The following ENOSF1 variants were observed in gnomAD, a reference collection of about 807,000 sequenced individuals.
The protein encoded by ENOSF1 is mitochondrial enolase superfamily member 1.
ENOSF1 carries 73 observed loss-of-function variants against 68.2 expected under a neutral mutation model. That is an observed-to-expected ratio of 1.07 (90% CI 0.89 to 1.30). ENOSF1 has a LOEUF of 1.30. Ranked by LOEUF, ENOSF1 falls within the 50% of genes most tolerant of loss-of-function variation. The probability of loss-of-function intolerance (pLI) is 0.00; values close to 1 mark genes in which losing one functional copy is unlikely to be tolerated. For missense variants in ENOSF1, 589 were observed against 554.5 expected (o/e 1.06, Z -0.62); for synonymous variants, 223 against 210.4 (o/e 1.06, Z -0.52).
intron 15 of ENOSF1, among the ~76,000 whole-genome samples, chr18:674,836 A>C (rs989798217): frequency 2.0e-5 from 3 of 152,210 alleles, no homozygotes; most frequent in African/African-American, 7.2e-5. Flanking sequence ...TAATATTTTT[A>C]AAATAAGTTT....
At chr18:687,689 T>G (rs1356471877) in intron 9 of ENOSF1, 1 of 152,248 alleles carries the variant, frequency 6.6e-6, no homozygotes, top group Non-Finnish European at 1.5e-5. Context: ...GAGAAGGTCT[T>G]AGGATGGCCA....
chr18:669,346 C>A, downstream of ENOSF1: 14 of 490,238 alleles, frequency 2.9e-5, no homozygotes, highest in Non-Finnish European at 4.8e-5. Context: ...ACCTTCAGAT[C>A]ATGAGGTTGG....
At chr18:688,654 G>C in intron 8 of ENOSF1, 46 bp from the exon 9 acceptor site, 2 of 1,562,750 alleles carry the variant, frequency 1.3e-6, no homozygotes, top group Non-Finnish European at 1.8e-6. Flanking sequence ...GAGCCCCTTG[G>C]TCTGACCAGG....
At chr18:685,574 T>G (rs2847155) in intron 10 of ENOSF1, among the ~76,000 whole-genome samples, 30,694 of 152,016 alleles carry the variant, frequency 0.2, 3,395 homozygotes, top group Admixed American at 0.27. Flanking sequence ...CAACATTTCT[T>G]CAGTAATGGC....
chr18:682,598 G>C (rs1416518602), intron 11 of ENOSF1, among the ~76,000 whole-genome samples: 1 of 151,882 alleles, frequency 6.6e-6, no homozygotes, highest in East Asian at 1.9e-4. Flanking sequence ...GGCCGGGCGC[G>C]GTGGCTCACT....
chr18:680,195 G>T (rs1336563860), intron 11 of ENOSF1, among the ~76,000 whole-genome samples: 1 of 152,180 alleles, frequency 6.6e-6, no homozygotes, highest in Non-Finnish European at 1.5e-5. Flanking sequence ...CATCTCACGG[G>T]ATGTGTGGCC....
At chr18:688,330 C>T in intron 9 of ENOSF1, 1 of 505,044 alleles carries the variant, frequency 2.0e-6, no homozygotes. Context: ...TAGGTTAGTG[C>T]CCGAAATAAA....
chr18:690,083 C>T (rs898560352), intron 8 of ENOSF1, among the ~76,000 whole-genome samples: 1 of 152,090 alleles, frequency 6.6e-6, no homozygotes, highest in Non-Finnish European at 1.5e-5. Context: ...CTCCTCACAC[C>T]TTGCCCTGTG....
intron 5 of ENOSF1, chr18:693,216 C>T: frequency 7.8e-7 from 1 of 1,289,146 alleles, no homozygotes; most frequent in South Asian, 1.2e-5. Flanking sequence ...CAGTCAAGTG[C>T]ATAGCTTTAG....
intron 10 of ENOSF1, among the ~76,000 whole-genome samples, chr18:685,715 C>T (rs1283836551): frequency 4.6e-5 from 7 of 152,306 alleles, no homozygotes; most frequent in African/African-American, 1.7e-4. Flanking sequence ...CCCAAACTTA[C>T]TTAACTAGTT....
intron 2 of ENOSF1, among the ~76,000 whole-genome samples, chr18:697,943 G>A (rs1025622379): frequency 7.4e-4 from 113 of 152,230 alleles, no homozygotes; most frequent in African/African-American, 2.5e-3. Context: ...ACAGGCATGT[G>A]CCGCCACACC....
the ENOSF1 span, among the ~76,000 whole-genome samples, chr18:664,872 A>T: frequency 9.7e-5 from 12 of 123,472 alleles, no homozygotes; most frequent in South Asian, 2.9e-4. Context: ...TGAAGCCCAC[A>T]TGATCATGGT....
downstream of ENOSF1, among the ~76,000 whole-genome samples, chr18:665,480 A>G (rs1324014679): frequency 2.7e-5 from 4 of 146,794 alleles, no homozygotes; most frequent in South Asian, 2.2e-4. Flanking sequence ...TGGATTCATT[A>G]ATTTTTTGAA....
Position 693,318 on chromosome 18 carries a change from ATCTTT to A in ENOSF1, c.423+559_423+563del, listed in dbSNP as rs1277945642. On this transcript the variant is annotated intron_variant, in intron 5 of 15. Coordinates refer to ENST00000647584, the MANE Select transcript of ENOSF1 (RefSeq NM_017512.7). ...CTTGGTGTCAAAGTGACTGGATAGT[ATCTTT>A]TCTTTTTTCTTTTTTTGAGACAGGG... 1.3e-4 allele frequency: 155 copies of A among 1,225,936 alleles called. 1 individual carries two copies. The highest frequency in any genetic ancestry group is 8.9e-4 in the South Asian group (63 of 70,814). The allele number at this position is 1,225,936 out of a possible 1,614,324, so 75.9% of individuals were successfully genotyped here.
At chr18:665,197 C>T in the ENOSF1 span, among the ~76,000 whole-genome samples, 1 of 151,114 alleles carries the variant, frequency 6.6e-6, no homozygotes, top group Non-Finnish European at 1.5e-5. Flanking sequence ...AATTTCAGCT[C>T]CTGTTATTGG....
chr18:670,035 A>G (rs2074961604), downstream of ENOSF1, among the ~76,000 whole-genome samples: 1 of 135,456 alleles, frequency 7.4e-6, no homozygotes. Context: ...TGCATCTGTA[A>G]TAGAGACTTA....
At chr18:701,931 A>C (rs1283235357) in intron 2 of ENOSF1, among the ~76,000 whole-genome samples, 4 of 141,208 alleles carry the variant, frequency 2.8e-5, no homozygotes, top group African/African-American at 1.1e-4. Context: ...AAAATAAATA[A>C]ATACATAGAT....
intron 11 of ENOSF1, among the ~76,000 whole-genome samples, chr18:680,986 A>AT (rs577665291): frequency 1.1e-4 from 17 of 152,156 alleles, no homozygotes; most frequent in Admixed American, 1.1e-3. Flanking sequence ...AGCTGGGACT[A>AT]TAGGTGGGCG....
intron 3 of ENOSF1, among the ~76,000 whole-genome samples, chr18:695,666 T>G (rs2077638586): frequency 6.6e-6 from 1 of 152,144 alleles, no homozygotes. Context: ...AGGCTGGTCT[T>G]GAACTCCTGG....
Sources: gnomAD v4.1 joint callset for allele counts (sites outside exome capture counted in the v4.1 genomes callset) on GRCh38, gnomAD v4.1.1 for gene constraint, MANE v1.5 for transcripts, NCBI Gene and HGNC (gene_info 2026-07-23, HGNC 2026-07-21) for gene names.